The following OTUD7B variants were observed in gnomAD, a reference collection of about 807,000 sequenced individuals.
OTUD7B encodes the protein OTU domain-containing protein 7B.
OTUD7B carries 34 observed loss-of-function variants against 82.2 expected under a neutral mutation model. The ratio of observed to expected loss-of-function variants is 0.41; its 90% CI spans 0.31 to 0.55. The LOEUF (loss-of-function observed/expected upper bound fraction) is 0.55. Among genes scored for constraint, OTUD7B ranks in the 20% least tolerant of loss-of-function variants. The pLI, the probability that OTUD7B is intolerant of heterozygous loss-of-function variation, is 0.20. For synonymous variants in OTUD7B, 398 were observed against 402.7 expected (o/e 0.99, Z 0.14); for missense variants, 944 against 1,062.1 (o/e 0.89, Z 1.55).
chr1:150,056,809 T>C, the OTUD7B span, among the ~76,000 whole-genome samples: 1 of 152,086 alleles, frequency 6.6e-6, no homozygotes, highest in Admixed American at 6.5e-5. Flanking sequence ...TACAGAAAAT[T>C]CCAATACATA....
At chr1:150,013,367 G>C (rs1571756462), upstream of OTUD7B, among the ~76,000 whole-genome samples, 1 of 152,108 alleles carries the variant, frequency 6.6e-6, no homozygotes, top group African/African-American at 2.4e-5. Flanking sequence ...TTCAATACTG[G>C]GGCTAATGGC....
At chr1:150,001,137 T>C (rs1553784696) in intron 1 of OTUD7B, among the ~76,000 whole-genome samples, 1 of 152,218 alleles carries the variant, frequency 6.6e-6, no homozygotes, top group East Asian at 1.9e-4. Context: ...GCTATATCTA[T>C]AACATTTAAT....
chr1:149,946,878 C>T (rs1428316741), intron 11 of OTUD7B, among the ~76,000 whole-genome samples: 1 of 151,004 alleles, frequency 6.6e-6, no homozygotes, highest in Non-Finnish European at 1.5e-5. Context: ...CATGGTGAAA[C>T]CTGTCCTCTA....
intron 1 of OTUD7B, among the ~76,000 whole-genome samples, chr1:150,002,057 G>A (rs1181446135): frequency 6.6e-6 from 1 of 152,176 alleles, no homozygotes; most frequent in Non-Finnish European, 1.5e-5. Flanking sequence ...CAGGGAAGAT[G>A]CAGAATCTGA....
At chr1:150,049,715 G>A in the OTUD7B span, among the ~76,000 whole-genome samples, 8 of 131,338 alleles carry the variant, frequency 6.1e-5, no homozygotes, top group East Asian at 7.5e-4. Flanking sequence ...TCAGCCTCCC[G>A]AGTAGCTAGG....
chr1:149,940,073 A>G lies in OTUD7B; in HGVS notation c.*3784T>C, dbSNP rs2092751199. 6.6e-6 allele frequency: 1 copy of G among 152,234 alleles called. No homozygotes were observed. The highest frequency in any genetic ancestry group is 2.4e-5 in the African/African-American group (1 of 41,466). The allele number at this position is 152,234 out of a possible 1,614,324, so 9.4% of individuals were successfully genotyped here. On this transcript the variant is annotated 3_prime_UTR_variant, in exon 12 of 12. Coordinates refer to ENST00000581312, the MANE Select transcript of OTUD7B (RefSeq NM_020205.4). Reference sequence around the variant, plus strand: ...TGACTGGAACCTTGGACACATGGCTAAAAGGAGTTAAGAATGGCAAAAGCT... The same window carrying G: ...TGACTGGAACCTTGGACACATGGCTGAAAGGAGTTAAGAATGGCAAAAGCT...
Position 149,981,768 on chromosome 1 carries a change from C to T in OTUD7B, c.-66-4192G>A, listed in dbSNP as rs1650747351. 2.0e-5 allele frequency among the ~76,000 whole-genome samples: 3 copies of T among 152,248 alleles called. No homozygotes were observed. In the South Asian group the frequency reaches 6.2e-4, roughly 32 times the overall value. On this transcript the variant is annotated intron_variant, in intron 1 of 11. Transcript: ENST00000581312. ...CGCTTCTGCTATCTTTGCCTCTCAC[C>T]CCTACTTCCACTTCCAGACCATCTT... is the stretch of plus-strand genomic sequence containing the variant.
At chr1:149,959,519 G>T (rs1459020569) in intron 7 of OTUD7B, among the ~76,000 whole-genome samples, 165 bp downstream of exon 7, 2 of 152,156 alleles carry the variant, frequency 1.3e-5, no homozygotes, top group Non-Finnish European at 2.9e-5. Flanking sequence ...CGAACTACCT[G>T]TAGTTCCTAA....
the OTUD7B span, among the ~76,000 whole-genome samples, chr1:150,037,685 A>G: frequency 3.3e-5 from 5 of 151,292 alleles, no homozygotes; most frequent in Admixed American, 3.3e-4. Flanking sequence ...CACCTCCCGG[A>G]TTCAAGCGAT....
At chr1:149,950,963 T>C in intron 7 of OTUD7B, among the ~76,000 whole-genome samples, 1 of 81,714 alleles carries the variant, frequency 1.2e-5, no homozygotes, top group Non-Finnish European at 2.4e-5. Flanking sequence ...GGTCTAATTT[T>C]TTGTACTTTT....
Position 149,942,082 on chromosome 1 carries a change from G to A in OTUD7B, c.*1775C>T, listed in dbSNP as rs975709545. 6 of 152,510 alleles carry A rather than the reference G, an allele frequency of 3.9e-5. No individual in the cohort carries two copies. The highest frequency in any genetic ancestry group is 2.1e-4 in the South Asian group (1 of 4,832). The allele number at this position is 152,510 out of a possible 1,614,324, so 9.4% of individuals were successfully genotyped here. On this transcript the variant is annotated 3_prime_UTR_variant, in exon 12 of 12. Coordinates refer to ENST00000581312, the MANE Select transcript of OTUD7B (RefSeq NM_020205.4). ...ACAAGGACAATCTTGACTGGCTACC[G>A]AGGAGGAAAACACACACACATATGC... is the stretch of plus-strand genomic sequence containing the variant.
chr1:149,950,977 A>ATATTTT lies in OTUD7B; in HGVS notation c.846-757_846-756insAAAATA, dbSNP rs1648184278. Among the ~76,000 whole-genome samples the ATATTTT allele has an allele frequency of 1.3e-4, 3 of 22,412 alleles. 1 individual carries two copies. The highest frequency in any genetic ancestry group is 6.4e-4 in the African/African-American group (3 of 4,692). The allele number at this position is 22,412 out of a possible 152,430, so 14.7% of individuals were successfully genotyped here. The stretch of plus-strand genomic sequence containing the variant: ...CGGTCTAATTTTTTGTACTTTTTGT[A>ATATTTT]TTTTTTTTTTTTTTTTTTTTTTGTA... On this transcript the variant is annotated intron_variant, in intron 7 of 11. Transcript: ENST00000581312.
chr1:149,978,287 A>C (rs1650463867), intron 1 of OTUD7B, among the ~76,000 whole-genome samples: 1 of 152,146 alleles, frequency 6.6e-6, no homozygotes, highest in Non-Finnish European at 1.5e-5. Flanking sequence ...CAGGTGTATC[A>C]CCTGAGGTCA....
the OTUD7B span, among the ~76,000 whole-genome samples, chr1:150,030,637 A>G: frequency 6.6e-6 from 1 of 152,178 alleles, no homozygotes; most frequent in African/African-American, 2.4e-5. Flanking sequence ...GAGCTTCCTC[A>G]CAAATGAGCT....
At chr1:149,956,404 G>A (rs1175849002) in intron 7 of OTUD7B, among the ~76,000 whole-genome samples, 1 of 152,020 alleles carries the variant, frequency 6.6e-6, no homozygotes, top group Non-Finnish European at 1.5e-5. Flanking sequence ...CGAGAGATCT[G>A]CTGTTAGTCT....
the OTUD7B span, among the ~76,000 whole-genome samples, chr1:150,030,939 A>G: frequency 6.6e-6 from 1 of 151,948 alleles, no homozygotes; most frequent in African/African-American, 2.4e-5. Context: ...CACACTGGCT[A>G]ATTTTGTATT....
At chr1:150,059,421 G>A in the OTUD7B span, among the ~76,000 whole-genome samples, 1 of 149,080 alleles carries the variant, frequency 6.7e-6, no homozygotes. Flanking sequence ...CCAGGCTGGA[G>A]TGCAATGGCG....
At chr1:150,000,076 A>G (rs1450393105) in intron 1 of OTUD7B, among the ~76,000 whole-genome samples, 1 of 152,238 alleles carries the variant, frequency 6.6e-6, no homozygotes, top group Non-Finnish European at 1.5e-5. Context: ...GGGAAAGATT[A>G]TATCCTGCTG....
At chr1:150,014,501 T>C (rs149354232), upstream of OTUD7B, among the ~76,000 whole-genome samples, 1,681 of 150,194 alleles carry the variant, frequency 0.011, 28 homozygotes, top group African/African-American at 0.039. Context: ...CCAATAGAAA[T>C]GAAATATATG....
Sources: gnomAD v4.1 joint callset for allele counts (sites outside exome capture counted in the v4.1 genomes callset) on GRCh38, gnomAD v4.1.1 for gene constraint, MANE v1.5 for transcripts, NCBI Gene and HGNC (gene_info 2026-07-23, HGNC 2026-07-21) for gene names.